SORBS2: variants seen among roughly 807,000 people sequenced by gnomAD.
The protein encoded by SORBS2 is sorbin and SH3 domain containing 2.
SORBS2 carries 46 observed loss-of-function variants against 97.7 expected under a neutral mutation model. The ratio of observed to expected loss-of-function variants is 0.47; its 90% CI spans 0.37 to 0.60. The LOEUF (loss-of-function observed/expected upper bound fraction) is 0.60. SORBS2 is among the 20% of genes least tolerant of loss of function. The pLI is 0.00. For missense variants in SORBS2, 1,316 were observed against 1,282.3 expected, an observed-to-expected ratio of 1.03 and a Z score of -0.40; for synonymous variants, 476 against 473.4, an observed-to-expected ratio of 1.01 and a Z score of -0.07.
intron 1 of SORBS2, among the ~76,000 whole-genome samples, chr4:185,653,591 A>T (rs1011885252): frequency 6.6e-6 from 1 of 152,186 alleles, no homozygotes; most frequent in Non-Finnish European, 1.5e-5. Context: ...TAGGATTGTT[A>T]TGGAAATCGA....
At chr4:185,645,012 T>A (rs2097184830) in intron 4 of SORBS2, among the ~76,000 whole-genome samples, 1 of 152,146 alleles carries the variant, frequency 6.6e-6, no homozygotes, top group Admixed American at 6.5e-5. Flanking sequence ...AGAGAGTGTG[T>A]CCTGTTCCCC....
chr4:185,882,180 G>T (rs544646035), intron 1 of SORBS2, among the ~76,000 whole-genome samples: 2 of 152,154 alleles, frequency 1.3e-5, no homozygotes, highest in East Asian at 3.9e-4. Context: ...AAGATAATAT[G>T]ATTGTCTGCA....
chr4:185,600,094 G>A lies in SORBS2; in HGVS notation c.2797-6159C>T, dbSNP rs139352969. Among the ~76,000 whole-genome samples the A allele has an allele frequency of 6.7e-3, 1,016 of 152,298 alleles. 15 individuals carry two copies. Among genetic ancestry groups the A allele is most frequent in the African/African-American group, 0.023 (957 of 41,558 alleles). On this transcript the variant is annotated intron_variant, in intron 12 of 14. Transcript: ENST00000418609. ...AAGAAGTTAGTTAGCTCTCATCTTC[G>A]TCACACAGACTTCAGGAGGAGCTTT...
chr4:185,720,912 G>A (rs1395791815), intron 2 of SORBS2, among the ~76,000 whole-genome samples: 2 of 151,972 alleles, frequency 1.3e-5, no homozygotes, highest in South Asian at 2.1e-4. Context: ...CCGCGTGACC[G>A]TAGGCCCATC....
At chr4:185,909,157 T>C (rs1579436712) in intron 1 of SORBS2, among the ~76,000 whole-genome samples, 1 of 152,084 alleles carries the variant, frequency 6.6e-6, no homozygotes, top group Non-Finnish European at 1.5e-5. Context: ...TAAGTGTCCA[T>C]CAACAGATGA....
intron 12 of SORBS2, among the ~76,000 whole-genome samples, chr4:185,596,522 C>G (rs1024022450): frequency 6.9e-6 from 1 of 145,334 alleles, no homozygotes; most frequent in Non-Finnish European, 1.5e-5. Flanking sequence ...CAGCCAGCAC[C>G]GTCCTTGCTT....
At chr4:185,717,023 A>C (rs73015568) in intron 2 of SORBS2, among the ~76,000 whole-genome samples, 5,514 of 152,266 alleles carry the variant, frequency 0.036, 363 homozygotes, top group African/African-American at 0.13. Flanking sequence ...TTTTCCATGT[A>C]TTTTCCATAA....
intron 1 of SORBS2, among the ~76,000 whole-genome samples, chr4:185,806,602 CG>C (rs1268878187): frequency 1.3e-5 from 2 of 148,544 alleles, no homozygotes; most frequent in Non-Finnish European, 3.0e-5. Flanking sequence ...GGACTACAGG[CG>C]CCCGCCACTA....
At chr4:185,733,719 C>G (rs573004991) in intron 2 of SORBS2, among the ~76,000 whole-genome samples, 1 of 152,328 alleles carries the variant, frequency 6.6e-6, no homozygotes, top group South Asian at 2.1e-4. Flanking sequence ...CTTAGACCTA[C>G]AGCTTGCTAT....
At chr4:185,930,444 G>T (rs184070195) in intron 1 of SORBS2, among the ~76,000 whole-genome samples, 1 of 151,884 alleles carries the variant, frequency 6.6e-6, no homozygotes, top group Admixed American at 6.6e-5. Context: ...ACAGGCGACC[G>T]CCACCACCAC....
Position 185,607,424 on chromosome 4 carries a change from C to T in SORBS2, c.2796+4356G>A, listed in dbSNP as rs182239305. 5.8e-5 allele frequency: 45 copies of T among 769,582 alleles called. No individual in the cohort carries two copies. The Admixed American group carries it at 8.1e-4, about 14-fold the overall frequency. 47.7% of individuals were successfully genotyped at this position (769,582 alleles called of 1,614,324 possible). Reference sequence around the variant, plus strand: ...ATAATAATAATGCATCAAAACATAGCGATGGAGAAATGCAGAAAAGATGCG... The same window carrying T: ...ATAATAATAATGCATCAAAACATAGTGATGGAGAAATGCAGAAAAGATGCG... On this transcript the variant is annotated intron_variant, in intron 12 of 14. Coordinates refer to ENST00000418609, the Ensembl canonical transcript of SORBS2. The surrounding 1 kb of genome is among the most constrained non-coding windows in gnomAD (Gnocchi z 5.2).
At chr4:185,694,351 C>T (rs1445725635) in intron 2 of SORBS2, among the ~76,000 whole-genome samples, 4 of 152,168 alleles carry the variant, frequency 2.6e-5, no homozygotes, top group Non-Finnish European at 5.9e-5. Context: ...GAACCAGGGA[C>T]GAGACTATGA....
At chr4:185,872,133 G>A (rs530027677) in intron 1 of SORBS2, among the ~76,000 whole-genome samples, 1 of 152,290 alleles carries the variant, frequency 6.6e-6, no homozygotes, top group South Asian at 2.1e-4. Flanking sequence ...TCATTTTCAT[G>A]TTCTGAAGGC....
At chr4:185,937,330 T>C (rs1490592616) in intron 1 of SORBS2, among the ~76,000 whole-genome samples, 1 of 152,184 alleles carries the variant, frequency 6.6e-6, no homozygotes, top group African/African-American at 2.4e-5. Context: ...GAAACTTCTG[T>C]TTATTTACTC....
At chr4:185,604,141 T>C (rs1186145303) in intron 12 of SORBS2, among the ~76,000 whole-genome samples, 1 of 152,230 alleles carries the variant, frequency 6.6e-6, no homozygotes, top group Non-Finnish European at 1.5e-5. Context: ...TTAATTTGTT[T>C]TTCTCCTCAA....
At chr4:185,690,112 G>A (rs1343810073) in intron 2 of SORBS2, among the ~76,000 whole-genome samples, 5 of 152,306 alleles carry the variant, frequency 3.3e-5, no homozygotes, top group Admixed American at 2.6e-4. Context: ...TGGGAATTGT[G>A]ACTATAGGTT....
intron 1 of SORBS2, among the ~76,000 whole-genome samples, chr4:185,939,803 C>T (rs1377112730): frequency 1.3e-5 from 2 of 152,206 alleles, no homozygotes; most frequent in Non-Finnish European, 2.9e-5. Flanking sequence ...AGCTACCACG[C>T]CTGGCCTGTC....
chr4:185,692,672 GA>G (rs776761440), intron 2 of SORBS2, among the ~76,000 whole-genome samples: 9 of 152,026 alleles, frequency 5.9e-5, no homozygotes, highest in Non-Finnish European at 1.5e-5. Flanking sequence ...CCAGTGGGGG[GA>G]AAATGATGAA....
At chr4:185,947,304 G>A (rs1444501805) in intron 1 of SORBS2, among the ~76,000 whole-genome samples, 2 of 152,172 alleles carry the variant, frequency 1.3e-5, no homozygotes, top group Non-Finnish European at 2.9e-5. Context: ...AGCAGGGAAC[G>A]GAAGCCTGTT....
Sources: allele counts gnomAD v4.1 joint callset (sites outside exome capture counted in the v4.1 genomes callset), GRCh38; gene constraint gnomAD v4.1.1; non-coding constraint Gnocchi (gnomAD v3.1); transcripts MANE v1.5; gene names NCBI Gene and HGNC (gene_info 2026-07-23, HGNC 2026-07-21).